Variants in ARAP2 observed in about 807,000 individuals in gnomAD.
ARAP2 encodes arf-GAP with Rho-GAP domain, ANK repeat and PH domain-containing protein 2.
In ARAP2, 148 loss-of-function variants were observed where a neutral mutation model predicts 194.5. The ratio of observed to expected loss-of-function variants is 0.76; its 90% CI spans 0.67 to 0.87. The LOEUF is 0.87. Among genes scored for constraint, ARAP2 ranks in the 40% least tolerant of loss-of-function variants. The probability of loss-of-function intolerance (pLI) is 0.00; values close to 1 mark genes in which losing one functional copy is unlikely to be tolerated. For synonymous variants in ARAP2, 695 were observed against 683.5 expected (o/e 1.02, Z -0.26); for missense variants, 2,128 against 1,989.7 (o/e 1.07, Z -1.32).
At chr4:36,059,577 G>C (rs1286209612) in intron 1 of ARAP2, among the ~76,000 whole-genome samples, 1 of 152,192 alleles carries the variant, frequency 6.6e-6, no homozygotes, top group Non-Finnish European at 1.5e-5. Flanking sequence ...CTGGAACTCA[G>C]TGAGTAGATT....
chr4:36,215,240 C>T (rs981904366), intron 2 of ARAP2, among the ~76,000 whole-genome samples: 2 of 152,166 alleles, frequency 1.3e-5, no homozygotes, highest in African/African-American at 4.8e-5. Flanking sequence ...AAAGTATAGA[C>T]ATATAAATCA....
intron 8 of ARAP2, among the ~76,000 whole-genome samples, chr4:36,183,702 G>A (rs1007645019): frequency 1.7e-4 from 26 of 152,334 alleles, no homozygotes; most frequent in Admixed American, 1.6e-3. Flanking sequence ...TTTGGGAAGT[G>A]TATTTTTTAA....
At chr4:36,158,518 T>C (rs1733118698) in intron 15 of ARAP2, among the ~76,000 whole-genome samples, 1 of 152,156 alleles carries the variant, frequency 6.6e-6, no homozygotes, top group African/African-American at 2.4e-5. Flanking sequence ...GTGAATTCTG[T>C]TGAGAATTCA....
At chr4:36,036,955 C>T (rs972636035) in intron 5 of ARAP2, among the ~76,000 whole-genome samples, 2 of 152,126 alleles carry the variant, frequency 1.3e-5, no homozygotes, top group Admixed American at 1.3e-4. Context: ...TTTACATCTT[C>T]TTTCATGTGA....
intron 19 of ARAP2, among the ~76,000 whole-genome samples, chr4:36,144,088 C>G (rs1222604846): frequency 6.6e-6 from 1 of 151,706 alleles, no homozygotes; most frequent in African/African-American, 2.4e-5. Context: ...TTACATTAAA[C>G]TGAATCATTC....
intron 5 of ARAP2, among the ~76,000 whole-genome samples, chr4:36,033,733 C>G (rs1325437692): frequency 6.6e-6 from 1 of 152,034 alleles, no homozygotes; most frequent in Admixed American, 6.6e-5. Flanking sequence ...ATTCCGACAT[C>G]TAGAATGGTA....
chr4:36,117,448 G>T (rs1331778369), intron 24 of ARAP2, among the ~76,000 whole-genome samples: 3 of 151,596 alleles, frequency 2.0e-5, no homozygotes, highest in Non-Finnish European at 3.0e-5. Flanking sequence ...ATAGATATAT[G>T]CTGGCTGTGA....
At chr4:36,091,228 G>C (rs1713549491) in intron 28 of ARAP2, among the ~76,000 whole-genome samples, 1 of 152,074 alleles carries the variant, frequency 6.6e-6, no homozygotes, top group Admixed American at 6.6e-5. Flanking sequence ...GGATACTGAG[G>C]TTGAGAGGTT....
At chr4:36,168,549 T>A (rs1389597557) in intron 9 of ARAP2, among the ~76,000 whole-genome samples, 1 of 152,204 alleles carries the variant, frequency 6.6e-6, no homozygotes, top group Non-Finnish European at 1.5e-5. Context: ...AATAATTCTA[T>A]AACAAATGCC....
At chr4:36,044,718 G>T (rs1231011917) in intron 5 of ARAP2, among the ~76,000 whole-genome samples, 3 of 151,954 alleles carry the variant, frequency 2.0e-5, no homozygotes, top group African/African-American at 7.2e-5. Flanking sequence ...AAACTAAAAA[G>T]GTTTTGTATA....
At chr4:36,177,676 A>G (rs1738276234) in intron 9 of ARAP2, 151 bp downstream of exon 9, 1 of 684,950 alleles carries the variant, frequency 1.5e-6, no homozygotes, top group South Asian at 5.9e-5. Flanking sequence ...AGAAAATTCA[A>G]CAAAATCACT....
At chr4:36,164,708 T>C (rs1734868672) in intron 11 of ARAP2, among the ~76,000 whole-genome samples, 1 of 152,204 alleles carries the variant, frequency 6.6e-6, no homozygotes, top group South Asian at 2.1e-4. Context: ...TAAAATATGA[T>C]TGCATGCTTA....
intron 6 of ARAP2, chr4:36,209,315 C>A: frequency 2.3e-6 from 1 of 437,432 alleles, no homozygotes; most frequent in East Asian, 7.1e-5. Flanking sequence ...CTAAAAAGAA[C>A]AAGCAGAGGG....
In ARAP2 at chr4:36,229,156, T is replaced by TA; in HGVS notation, c.330dup (p.Ser111Ter). 1 of 1,614,120 alleles carries TA rather than the reference T, an allele frequency of 6.2e-7. No homozygotes were observed. Among genetic ancestry groups the TA allele is most frequent in the Non-Finnish European group, 8.5e-7 (1 of 1,180,004 alleles). ...TGCGGTGGGCTAGATGTCTGAACAC[T>TA]ACCAGAATTGGAAAGTTCTATGCAG... On this transcript the variant is annotated frameshift_variant, in exon 2 of 33. Coordinates refer to ENST00000303965, the MANE Select transcript of ARAP2 (RefSeq NM_015230.4). LOFTEE classifies it high-confidence loss of function.
At chr4:36,174,315 T>A (rs139097320) in intron 9 of ARAP2, among the ~76,000 whole-genome samples, 67 of 152,314 alleles carry the variant, frequency 4.4e-4, no homozygotes, top group African/African-American at 1.5e-3. Flanking sequence ...GGAGAAAATG[T>A]GCAAAAATTA....
intron 2 of ARAP2, among the ~76,000 whole-genome samples, chr4:36,055,136 T>C (rs1723279445): frequency 6.6e-6 from 1 of 152,222 alleles, no homozygotes; most frequent in South Asian, 2.1e-4. Context: ...TATGAGTGCA[T>C]TTAAAATATT....
Position 36,147,527 on chromosome 4 carries a change from AG to A in ARAP2, c.3199+20del. On this transcript the variant is annotated intron_variant, in intron 18 of 32. Transcript: ENST00000303965. ...AATAAAGAAAAGTGTTCCAAAGATA[AG>A]GGAAGAAAAAAGCTCTTACTTAGCT... 2 of 1,596,256 alleles carry A rather than the reference AG, an allele frequency of 1.3e-6. No individual in the cohort carries two copies. Among genetic ancestry groups the A allele is most frequent in the Non-Finnish European group, 1.7e-6 (2 of 1,173,274 alleles).
chr4:36,013,989 G>A (rs1266798043), intron 8 of ARAP2, among the ~76,000 whole-genome samples: 3 of 151,968 alleles, frequency 2.0e-5, no homozygotes, highest in African/African-American at 7.3e-5. Flanking sequence ...TCCTTTGGGA[G>A]GCTGAGGCAG....
In ARAP2 at chr4:36,014,291, A is replaced by AG. The variant is rs1189317444; in HGVS notation, n.1056+1094_1056+1095insC. On this transcript the variant is annotated intron_variant and non_coding_transcript_variant, in intron 8 of 12. Transcript: ENST00000503225. ...AAAGAAAGAAAGAAAGAAAGAAAGAAAGAAAGAAGAGAAGGAAGGAAAGAA... is the reference window on the plus strand; with the variant it reads ...AAAGAAAGAAAGAAAGAAAGAAAGAAGAGAAAGAAGAGAAGGAAGGAAAGAA... Among the ~76,000 whole-genome samples, 154 of 142,902 alleles carry AG rather than the reference A, an allele frequency of 1.1e-3. 4 individuals are homozygous for AG. The highest frequency in any genetic ancestry group is 3.5e-3 in the African/African-American group (130 of 37,368). 93.7% of individuals were successfully genotyped at this position (142,902 alleles called of 152,430 possible). A position where few individuals can be genotyped will look rare whatever the true frequency, so the allele number is the denominator to read the frequency against.
Sources: allele counts gnomAD v4.1 joint callset (sites outside exome capture counted in the v4.1 genomes callset), GRCh38; gene constraint gnomAD v4.1.1; transcripts MANE v1.5; gene names NCBI Gene and HGNC (gene_info 2026-07-23, HGNC 2026-07-21).